Variants in GTF2H2C observed in about 807,000 individuals in gnomAD.
The protein encoded by GTF2H2C is general transcription factor IIH subunit 2-like protein.
GTF2H2C carries 5 observed loss-of-function variants against 24.8 expected under a neutral mutation model. That is an observed-to-expected ratio of 0.20 (90% CI 0.11 to 0.42). The LOEUF (loss-of-function observed/expected upper bound fraction) is 0.42, where lower values mean the gene tolerates loss of function less well. GTF2H2C is among the 20% of genes least tolerant of loss of function. The pLI, the probability that GTF2H2C is intolerant of heterozygous loss-of-function variation, is 1.00. For missense variants in GTF2H2C, 45 were observed against 169.8 expected (o/e 0.27, Z 4.08); for synonymous variants, 14 against 52.6 (o/e 0.27, Z 3.18).
chr5:69,573,135 C>A (rs1263404575), intron 9 of GTF2H2C, among the ~76,000 whole-genome samples: 7 of 111,708 alleles, frequency 6.3e-5, no homozygotes, highest in Admixed American at 1.0e-4. Context: ...GCTTATATAT[C>A]TATTATATAT....
At chr5:69,577,431 T>C (rs1771361868) in intron 9 of GTF2H2C, among the ~76,000 whole-genome samples, 1 of 139,616 alleles carries the variant, frequency 7.2e-6, no homozygotes, top group Non-Finnish European at 1.5e-5. Flanking sequence ...TTTTTCTTTC[T>C]TTTTTTTTTT....
At chr5:69,589,967 C>G (rs1473698863) in intron 15 of GTF2H2C, among the ~76,000 whole-genome samples, 4 of 117,974 alleles carry the variant, frequency 3.4e-5, no homozygotes, top group African/African-American at 9.7e-5. Flanking sequence ...TCACTGCAAC[C>G]TCCGTGTCCT....
chr5:69,564,800 T>C (rs1230063568), intron 2 of GTF2H2C, among the ~76,000 whole-genome samples: 8 of 151,402 alleles, frequency 5.3e-5, no homozygotes, highest in Non-Finnish European at 1.5e-5. Flanking sequence ...TACTGACTCC[T>C]CACAAGTCTA....
At chr5:69,566,444 C>A in intron 4 of GTF2H2C, 145 bp from the exon 5 acceptor site, 1 of 1,396,676 alleles carries the variant, frequency 7.2e-7, no homozygotes, top group Non-Finnish European at 9.7e-7. Flanking sequence ...TAATTATTTA[C>A]TCCACTAAAA....
At chr5:69,564,899 T>C (rs1212973373) in intron 2 of GTF2H2C, among the ~76,000 whole-genome samples, 1 of 152,128 alleles carries the variant, frequency 6.6e-6, no homozygotes, top group Non-Finnish European at 1.5e-5. Flanking sequence ...CAAGTTTGTG[T>C]ATAAGTTCAT....
intron 9 of GTF2H2C, among the ~76,000 whole-genome samples, chr5:69,573,185 T>TACACAC (rs1561368430): frequency 1.2e-4 from 11 of 89,430 alleles, no homozygotes; most frequent in African/African-American, 4.5e-4. Context: ...CACACACACG[T>TACACAC]ATATATATAT....
intron 1 of GTF2H2C, among the ~76,000 whole-genome samples, chr5:69,562,117 G>A (rs1200908136): frequency 6.6e-6 from 1 of 152,006 alleles, no homozygotes; most frequent in Non-Finnish European, 1.5e-5. Context: ...TCAGGAGTTC[G>A]AGACCAGCCT....
chr5:69,577,353 C>CTT (rs1367398924), intron 9 of GTF2H2C, among the ~76,000 whole-genome samples: 1 of 128,762 alleles, frequency 7.8e-6, no homozygotes, highest in African/African-American at 3.1e-5. Context: ...AAGGTGTGTA[C>CTT]TTTTTTTTTT....
chr5:69,566,246 A>G (rs774436603), intron 4 of GTF2H2C, 38 bp downstream of exon 4: 23 of 1,604,494 alleles, frequency 1.4e-5, no homozygotes, highest in East Asian at 2.2e-5. Flanking sequence ...AAGGTAAAAT[A>G]TATTCATTTT....
At chr5:69,574,967 A>AC (rs1292167896) in intron 9 of GTF2H2C, among the ~76,000 whole-genome samples, 1 of 18,224 alleles carries the variant, frequency 5.5e-5, no homozygotes. Flanking sequence ...AAAAAAAAAA[A>AC]AATTAGCCAG....
intron 9 of GTF2H2C, among the ~76,000 whole-genome samples, chr5:69,577,352 A>G (rs1722995665): frequency 7.5e-6 from 1 of 133,188 alleles, no homozygotes; most frequent in East Asian, 2.3e-4. Flanking sequence ...AAAGGTGTGT[A>G]CTTTTTTTTT....
intron 9 of GTF2H2C, among the ~76,000 whole-genome samples, chr5:69,573,143 TATACAC>T (rs1353255613): frequency 1.0e-3 from 96 of 92,070 alleles, no homozygotes; most frequent in African/African-American, 3.0e-3. Flanking sequence ...ATCTATTATA[TATACAC>T]ACACACACAC....
chr5:69,562,609 G>A (rs1203558741), intron 1 of GTF2H2C, 64 bp from the exon 2 acceptor site: 2 of 149,992 alleles, frequency 1.3e-5, no homozygotes, highest in Admixed American at 6.7e-5. Context: ...GAGGATGGAG[G>A]TGTGATGAGG....
intron 4 of GTF2H2C, 71 bp downstream of exon 4, chr5:69,566,279 T>G: frequency 6.5e-7 from 1 of 1,527,576 alleles, no homozygotes. Context: ...CTATAAATAC[T>G]CCTCAGTACT....
chr5:69,560,473 C>T (rs2112148818), intron 1 of GTF2H2C, 70 bp downstream of exon 1: 1 of 145,594 alleles, frequency 6.9e-6, no homozygotes, highest in East Asian at 2.0e-4. Flanking sequence ...AGTAAAAGCG[C>T]GACTTTTAGA....
At chr5:69,560,674 C>G (rs1201442071) in intron 1 of GTF2H2C, 1 of 150,660 alleles carries the variant, frequency 6.6e-6, no homozygotes, top group Admixed American at 6.6e-5. Flanking sequence ...GCATTCCGAG[C>G]TCATGTAACG....
chr5:69,560,686 G>A (rs1770259685), intron 1 of GTF2H2C: 1 of 151,226 alleles, frequency 6.6e-6, no homozygotes. Context: ...CATGTAACGG[G>A]AATCACACCA....
intron 4 of GTF2H2C, 109 bp downstream of exon 4, chr5:69,566,317 G>A (rs1770754792): frequency 4.1e-6 from 6 of 1,474,904 alleles, no homozygotes; most frequent in Admixed American, 2.0e-5. Context: ...CAGGGAAACT[G>A]ACCTATTGCC....
At position 69,594,649 on chromosome 5, in the gene GTF2H2C, CAG is replaced by C. The variant is rs1174969330; in HGVS notation, c.*2454_*2455del. On this transcript the variant is annotated 3_prime_UTR_variant, in exon 17 of 17. Transcript: ENST00000380729. ...GCTTGCAGGAGATGCCTTTAATACT[CAG>C]AGCATTCTATCTCCCCCTATCTGGT... 3.5e-5 allele frequency: 4 copies of C among 114,750 alleles called. No homozygotes were observed. The highest frequency in any genetic ancestry group is 1.2e-4 in the African/African-American group (4 of 33,050). The allele number at this position is 114,750 out of a possible 1,614,324, so 7.1% of individuals were successfully genotyped here.
Sources: gnomAD v4.1 joint callset for allele counts (sites outside exome capture counted in the v4.1 genomes callset) on GRCh38, gnomAD v4.1.1 for gene constraint, MANE v1.5 for transcripts, NCBI Gene and HGNC (gene_info 2026-07-23, HGNC 2026-07-21) for gene names.